Variants in ANKRD33B observed in about 807,000 individuals in gnomAD.
ANKRD33B encodes ankyrin repeat domain-containing protein 33B.
ANKRD33B carries 6 observed loss-of-function variants against 21.5 expected under a neutral mutation model. The ratio of observed to expected loss-of-function variants is 0.28; its 90% CI spans 0.15 to 0.55. The LOEUF (loss-of-function observed/expected upper bound fraction) is 0.55, where lower values mean the gene tolerates loss of function less well. ANKRD33B is among the 20% of genes least tolerant of loss of function. ANKRD33B has a pLI of 0.94. For missense variants in ANKRD33B, 698 were observed against 747.2 expected (o/e 0.93, Z 0.77); for synonymous variants, 347 against 342.4 (o/e 1.01, Z -0.15).
chr5:10,584,702 G>A (rs946854228), intron 1 of ANKRD33B, among the ~76,000 whole-genome samples: 1 of 152,204 alleles, frequency 6.6e-6, no homozygotes, highest in African/African-American at 2.4e-5. Context: ...TGTTCTAGGG[G>A]ACAGAATGCC....
intron 1 of ANKRD33B, among the ~76,000 whole-genome samples, chr5:10,609,203 A>G (rs995906477): frequency 3.3e-5 from 5 of 152,238 alleles, no homozygotes; most frequent in African/African-American, 9.6e-5. Context: ...GTTGAGTTAA[A>G]TACAATATAT....
intron 1 of ANKRD33B, among the ~76,000 whole-genome samples, chr5:10,603,896 C>CT (rs552397819): frequency 0.074 from 10,314 of 139,554 alleles, 464 homozygotes; most frequent in Non-Finnish European, 0.1. Flanking sequence ...AAAAGGAGAA[C>CT]TTTTTTTTTT....
intron 2 of ANKRD33B, 90 bp from the exon 3 acceptor site, chr5:10,637,938 G>C (rs1736910259): frequency 1.4e-6 from 2 of 1,431,032 alleles, no homozygotes; most frequent in Non-Finnish European, 1.9e-6. Context: ...GGCTGACTCA[G>C]TGTTTCTTTC....
chr5:10,617,775 C>G (rs754279554), intron 1 of ANKRD33B, among the ~76,000 whole-genome samples: 1 of 152,208 alleles, frequency 6.6e-6, no homozygotes, highest in Non-Finnish European at 1.5e-5. Flanking sequence ...CTAGCCCTGC[C>G]GGCCAATGGG....
intron 1 of ANKRD33B, among the ~76,000 whole-genome samples, chr5:10,574,091 C>T (rs967266600): frequency 3.3e-5 from 5 of 152,348 alleles, no homozygotes; most frequent in South Asian, 2.1e-4. Flanking sequence ...CACAAACATG[C>T]GTGAGCAGGC....
At chr5:10,583,578 A>C (rs935325616) in intron 1 of ANKRD33B, among the ~76,000 whole-genome samples, 2 of 152,182 alleles carry the variant, frequency 1.3e-5, no homozygotes, top group Admixed American at 1.3e-4. Context: ...ATAGGGATAG[A>C]GACTGAAGGG....
At chr5:10,573,779 G>A (rs1470078585) in intron 1 of ANKRD33B, among the ~76,000 whole-genome samples, 1 of 152,250 alleles carries the variant, frequency 6.6e-6, no homozygotes, top group Non-Finnish European at 1.5e-5. Flanking sequence ...ACAGCAAGGG[G>A]GAATCTGCCC....
At chr5:10,622,550 G>A (rs764752639) in intron 2 of ANKRD33B, among the ~76,000 whole-genome samples, 4 of 152,160 alleles carry the variant, frequency 2.6e-5, no homozygotes, top group African/African-American at 9.7e-5. Flanking sequence ...AAATGCTTAT[G>A]TTTTTCACTG....
chr5:10,633,546 A>G (rs1736784568), intron 2 of ANKRD33B, among the ~76,000 whole-genome samples: 1 of 152,220 alleles, frequency 6.6e-6, no homozygotes, highest in South Asian at 2.1e-4. Context: ...GCTGAACACA[A>G]TGAATGGACG....
At chr5:10,639,287 C>G (rs1459199020) in intron 3 of ANKRD33B, among the ~76,000 whole-genome samples, 1 of 2,976 alleles carries the variant, frequency 3.4e-4, no homozygotes, top group Non-Finnish European at 6.2e-4. Flanking sequence ...GCGATGTTAG[C>G]GGGTGACGCG....
intron 1 of ANKRD33B, among the ~76,000 whole-genome samples, chr5:10,571,872 G>A (rs916239526): frequency 2.0e-5 from 3 of 146,730 alleles, no homozygotes; most frequent in African/African-American, 7.5e-5. Context: ...GTAAGATAAG[G>A]CATCCGTATT....
intron 1 of ANKRD33B, among the ~76,000 whole-genome samples, chr5:10,594,855 A>G (rs1426917015): frequency 6.6e-6 from 1 of 152,140 alleles, no homozygotes; most frequent in Non-Finnish European, 1.5e-5. Context: ...GCGGGTAGGA[A>G]AGTGCCTTCC....
Position 10,564,467 on chromosome 5 carries a change from C to G in ANKRD33B, c.-1C>G. On this transcript the variant is annotated 5_prime_UTR_variant, in exon 1 of 4. Coordinates refer to ENST00000296657, the MANE Select transcript of ANKRD33B (RefSeq NM_001164440.2). ...CCCCGGCCCGCGCCCCGGCCGCCGG[C>G]ATGGTGCTGCTGGCCGGGACCGGGC... 1 of 1,210,250 alleles carries G rather than the reference C, an allele frequency of 8.3e-7. No homozygotes were observed. Among genetic ancestry groups the G allele is most frequent in the Non-Finnish European group, 1.0e-6 (1 of 973,002 alleles). The allele number at this position is 1,210,250 out of a possible 1,614,324, so 75.0% of individuals were successfully genotyped here. A position where few individuals can be genotyped will look rare whatever the true frequency, so the allele number is the denominator to read the frequency against.
In ANKRD33B at chr5:10,639,040, G is replaced by C. The variant is rs1480861639; in HGVS notation, c.637+872G>C. ...CGCGGAGTTGCGCGGCGATGTTAGC[G>C]GGTGACGCGGAGTTGCGCGGCGATG... On this transcript the variant is annotated intron_variant, in intron 3 of 3. Transcript: ENST00000296657. 6.2e-4 allele frequency among the ~76,000 whole-genome samples: 39 copies of C among 62,724 alleles called. No homozygotes were observed. The East Asian group carries it at 0.013, about 21-fold the overall frequency. The allele number at this position is 62,724 out of a possible 152,430, so 41.1% of individuals were successfully genotyped here.
At chr5:10,588,785 C>A (rs12652283) in intron 1 of ANKRD33B, among the ~76,000 whole-genome samples, 55,008 of 152,120 alleles carry the variant, frequency 0.36, 11,374 homozygotes, top group East Asian at 0.6. Context: ...AACCATGTGG[C>A]ATGAGCAGGA....
rs1337620134 is a variant in ANKRD33B at position 10,564,524 on chromosome 5, A to G, written c.57A>G (p.Pro19=). The part of the protein sequence containing the change: ...PEGGGARCMT[P]PPPSPPRGAQ... ...GCGGCGGGGCGCGCTGCATGACCCC[A>G]CCACCGCCGTCCCCACCCCGGGGCG... The change falls in exon 1 of 4, where the codon CCA becomes CCG. Residue 19 remains proline (P), a synonymous_variant. Transcript: ENST00000296657. 4.6e-6 allele frequency: 7 copies of G among 1,530,270 alleles called. No individual in the cohort carries two copies. In the South Asian group the frequency reaches 6.0e-5, roughly 13 times the overall value. 94.8% of individuals were successfully genotyped at this position (1,530,270 alleles called of 1,614,324 possible). A position where few individuals can be genotyped will look rare whatever the true frequency, so the allele number is the denominator to read the frequency against.
At chr5:10,566,748 G>A (rs1396008028) in intron 1 of ANKRD33B, among the ~76,000 whole-genome samples, 1 of 152,244 alleles carries the variant, frequency 6.6e-6, no homozygotes, top group Non-Finnish European at 1.5e-5. Context: ...GAGGGCCGTG[G>A]TATGGGAGGC....
chr5:10,642,619 G>A (rs533861807), intron 3 of ANKRD33B, among the ~76,000 whole-genome samples: 22 of 152,294 alleles, frequency 1.4e-4, no homozygotes, highest in African/African-American at 4.8e-4. Flanking sequence ...GCAGGAAGGT[G>A]GGATGCGGAT....
At chr5:10,596,496 G>T (rs768302079) in intron 1 of ANKRD33B, among the ~76,000 whole-genome samples, 15 of 152,174 alleles carry the variant, frequency 9.9e-5, no homozygotes, top group Non-Finnish European at 2.1e-4. Context: ...AAAGGACATG[G>T]TCTTGTTCCT....
Sources: gnomAD v4.1 joint callset for allele counts (sites outside exome capture counted in the v4.1 genomes callset) on GRCh38, gnomAD v4.1.1 for gene constraint, MANE v1.5 for transcripts, NCBI Gene and HGNC (gene_info 2026-07-23, HGNC 2026-07-21) for gene names.